The following SULT6B1 variants were observed in gnomAD, a reference collection of about 807,000 sequenced individuals.
SULT6B1 encodes sulfotransferase 6B1.
Under a neutral mutation model 37.2 loss-of-function variants are expected in SULT6B1, and 44 were observed. The ratio of observed to expected loss-of-function variants is 1.18; its 90% CI spans 0.93 to 1.52. SULT6B1 has a LOEUF of 1.52. Ranked by LOEUF, SULT6B1 falls within the 40% of genes most tolerant of loss-of-function variation. SULT6B1 has a pLI of 0.00. For synonymous variants in SULT6B1, 140 were observed against 126.0 expected (o/e 1.11, Z -0.74); for missense variants, 450 against 361.0 (o/e 1.25, Z -2.00).
At chr2:37,176,511 C>G (rs575316346) in intron 4 of SULT6B1, among the ~76,000 whole-genome samples, 1 of 152,020 alleles carries the variant, frequency 6.6e-6, no homozygotes, top group Admixed American at 6.6e-5. Flanking sequence ...CCGCCCGCCT[C>G]GGCCACCCAA....
chr2:37,193,614 A>G (rs1052966980), upstream of SULT6B1, among the ~76,000 whole-genome samples: 3 of 149,482 alleles, frequency 2.0e-5, no homozygotes, highest in South Asian at 2.1e-4. Context: ...AAGAAGAAGA[A>G]GAAGAAGAAG....
upstream of SULT6B1, chr2:37,191,336 G>C (rs974918678): frequency 6.6e-6 from 1 of 151,884 alleles, no homozygotes; most frequent in Non-Finnish European, 1.5e-5. Flanking sequence ...AAATTTCCTG[G>C]GTTCTAGTGA....
chr2:37,194,881 CTT>C (rs1676868152), intron 1 of SULT6B1: 3 of 55,398 alleles, frequency 5.4e-5, no homozygotes, highest in Non-Finnish European at 7.3e-5. Flanking sequence ...CCCTCCCTCC[CTT>C]CCTTCCTTCC....
chr2:37,177,915 G>T (rs1676465933), intron 4 of SULT6B1, among the ~76,000 whole-genome samples: 1 of 152,058 alleles, frequency 6.6e-6, no homozygotes, highest in Non-Finnish European at 1.5e-5. Flanking sequence ...AGGGTCATTG[G>T]GCTTTAATAT....
intron 3 of SULT6B1, among the ~76,000 whole-genome samples, chr2:37,180,814 A>T (rs765686141): frequency 2.0e-5 from 3 of 152,072 alleles, no homozygotes; most frequent in Non-Finnish European, 2.9e-5. Flanking sequence ...AACCTAGGAG[A>T]CGGAGGTTGT....
At chr2:37,177,175 G>A (rs771156784) in intron 4 of SULT6B1, among the ~76,000 whole-genome samples, 5 of 152,014 alleles carry the variant, frequency 3.3e-5, no homozygotes, top group Non-Finnish European at 7.4e-5. Flanking sequence ...CAACAACACG[G>A]AGGGAGGACA....
In SULT6B1 at chr2:37,195,305, G is replaced by C. The variant is rs142842644; in HGVS notation, c.-22+1211C>G. On this transcript the variant is annotated intron_variant, in intron 1 of 7. Coordinates refer to the SULT6B1 transcript ENST00000407963. ...CTGGTACTTTTAACACTGATATTCTGGTATTTCAAACCAATGTAGTGGAGC... is the reference window on the plus strand; with the variant it reads ...CTGGTACTTTTAACACTGATATTCTCGTATTTCAAACCAATGTAGTGGAGC... Among the ~76,000 whole-genome samples the C allele has an allele frequency of 9.2e-5, 14 of 152,222 alleles. No homozygotes were observed. The East Asian group carries it at 2.3e-3, about 25-fold the overall frequency.
Position 37,187,419 on chromosome 2 carries a change from G to A in SULT6B1, c.248C>T (p.Ser83Phe). 1 of 1,608,128 alleles carries A rather than the reference G, an allele frequency of 6.2e-7. No individual in the cohort carries two copies. Among genetic ancestry groups the A allele is most frequent in the Non-Finnish European group, 8.5e-7 (1 of 1,176,366 alleles). Reference protein sequence around the residue: ...HIVSELIYAVSKKKYKYPEFP... With the variant: ...HIVSELIYAVFKKKYKYPEFP... ...TTCTGGATATTTATACTTTTTTTTA[G>A]AAACAGCATATATTAATTCACTGAC... Residue 83 changes from serine to phenylalanine, a missense_variant, in exon 2 of 7, where the codon TCT becomes TTT. By Grantham distance (155) the Ser-to-Phe change is radical. Coordinates refer to ENST00000535679, the MANE Select transcript of SULT6B1 (RefSeq NM_001367551.1).
At chr2:37,184,953 GT>G (rs1052606010) in intron 2 of SULT6B1, among the ~76,000 whole-genome samples, 6 of 152,174 alleles carry the variant, frequency 3.9e-5, no homozygotes, top group African/African-American at 1.4e-4. Context: ...GACTAGCAGT[GT>G]AAAATCTGAT....
chr2:37,181,619 G>A (rs1290237212), intron 3 of SULT6B1, among the ~76,000 whole-genome samples: 1 of 135,136 alleles, frequency 7.4e-6, no homozygotes, highest in African/African-American at 2.6e-5. Context: ...GGGCTCAAGC[G>A]ATCCCTCCTG....
Position 37,188,602 on chromosome 2 carries a change from T to C in SULT6B1, c.39A>G (p.Glu13=). The change falls in exon 1 of 7, where the codon GAA becomes GAG. Residue 13 remains glutamate (E), a synonymous_variant. Transcript: ENST00000535679. Reference sequence around the variant, plus strand: ...CAGTTTCTTTTGATTTTTCTAAAGCTTCGTCAATGTATTCAATAAATTTGG... The same window carrying C: ...CAGTTTCTTTTGATTTTTCTAAAGCCTCGTCAATGTATTCAATAAATTTGG... ...DKSKFIEYID[E]ALEKSKETAL... is the part of the protein sequence containing the mutation. 6.8e-7 allele frequency: 1 copy of C among 1,475,158 alleles called. No individual in the cohort carries two copies. Among genetic ancestry groups the C allele is most frequent in the Non-Finnish European group, 9.5e-7 (1 of 1,054,364 alleles). The allele number at this position is 1,475,158 out of a possible 1,614,324, so 91.4% of individuals were successfully genotyped here. A position where few individuals can be genotyped will look rare whatever the true frequency, so the allele number is the denominator to read the frequency against.
upstream of SULT6B1, among the ~76,000 whole-genome samples, chr2:37,191,773 G>C (rs1676785870): frequency 6.6e-6 from 1 of 152,210 alleles, no homozygotes; most frequent in South Asian, 2.1e-4. Context: ...CCCTTCACTG[G>C]TGTAGGGCAG....
upstream of SULT6B1, among the ~76,000 whole-genome samples, chr2:37,191,583 C>G (rs1676780561): frequency 6.6e-6 from 1 of 152,142 alleles, no homozygotes; most frequent in Non-Finnish European, 1.5e-5. Flanking sequence ...GTCCTGCATT[C>G]AAGAAGAATG....
At chr2:37,184,847 C>G (rs1479746066) in intron 2 of SULT6B1, among the ~76,000 whole-genome samples, 3 of 150,600 alleles carry the variant, frequency 2.0e-5, no homozygotes, top group Non-Finnish European at 4.4e-5. Flanking sequence ...AAAAAAACAA[C>G]AAAACTTAGT....
chr2:37,182,548 C>G (rs1485666156), intron 3 of SULT6B1, among the ~76,000 whole-genome samples: 1 of 152,218 alleles, frequency 6.6e-6, no homozygotes, highest in East Asian at 1.9e-4. Flanking sequence ...AGGCTGGTCT[C>G]GAACTACTGA....
At chr2:37,178,820 G>A (rs1676485886) in intron 4 of SULT6B1, among the ~76,000 whole-genome samples, 1 of 152,148 alleles carries the variant, frequency 6.6e-6, no homozygotes, top group Admixed American at 6.5e-5. Context: ...GTTTTTATCA[G>A]TGTTACATAG....
At chr2:37,183,758 C>G (rs1676609804) in intron 2 of SULT6B1, among the ~76,000 whole-genome samples, 1 of 152,334 alleles carries the variant, frequency 6.6e-6, no homozygotes, top group South Asian at 2.1e-4. Flanking sequence ...ATTCTCCTTT[C>G]TCAGCCTCCC....
chr2:37,190,535 T>C (rs540941700), upstream of SULT6B1, among the ~76,000 whole-genome samples: 3 of 152,298 alleles, frequency 2.0e-5, no homozygotes, highest in East Asian at 5.8e-4. Flanking sequence ...GGGTGTTGCT[T>C]TGCTACCTTT....
intron 4 of SULT6B1, among the ~76,000 whole-genome samples, chr2:37,179,040 T>C (rs2373191): frequency 0.32 from 48,306 of 151,974 alleles, 8,614 homozygotes; most frequent in East Asian, 0.78. Flanking sequence ...CTCACTGCAA[T>C]CCCTGCCTTC....
Sources: gnomAD v4.1 joint callset for allele counts (sites outside exome capture counted in the v4.1 genomes callset) on GRCh38, gnomAD v4.1.1 for gene constraint, MANE v1.5 for transcripts, NCBI Gene and HGNC (gene_info 2026-07-23, HGNC 2026-07-21) for gene names.